Variants in ALCAM observed in about 807,000 individuals in gnomAD.
ALCAM encodes the protein CD166 antigen.
Under a neutral mutation model 70.9 loss-of-function variants are expected in ALCAM, and 30 were observed. That is an observed-to-expected ratio of 0.42 (90% CI 0.32 to 0.57). The LOEUF is 0.57. Among genes scored for constraint, ALCAM ranks in the 20% least tolerant of loss-of-function variants. ALCAM has a pLI of 0.11. For synonymous variants in ALCAM, 249 were observed against 242.5 expected, an observed-to-expected ratio of 1.03 and a Z score of -0.25; for missense variants, 591 against 695.1, an observed-to-expected ratio of 0.85 and a Z score of 1.68.
chr3:105,504,309 A>G (rs1328653271), intron 1 of ALCAM, among the ~76,000 whole-genome samples: 7 of 152,200 alleles, frequency 4.6e-5, no homozygotes, highest in Non-Finnish European at 7.3e-5. Flanking sequence ...TGTGTTAACC[A>G]GCTTAATTAG....
chr3:105,381,272 C>T (rs1033655348), intron 1 of ALCAM, among the ~76,000 whole-genome samples: 3 of 151,886 alleles, frequency 2.0e-5, no homozygotes, highest in African/African-American at 7.3e-5. Flanking sequence ...ATTATACACC[C>T]AACTGATTCA....
chr3:105,465,031 A>G lies in ALCAM; in HGVS notation c.74-55036A>G, dbSNP rs201734223. Among the ~76,000 whole-genome samples, 5 of 151,550 alleles carry G rather than the reference A, an allele frequency of 3.3e-5. No homozygotes were observed. The East Asian group carries it at 9.7e-4, about 29-fold the overall frequency. ...CTGAATTTCATATAAATGAAATAAT[A>G]TGGTATATACTTAGATATTGTGATA... On this transcript the variant is annotated intron_variant, in intron 1 of 15. Transcript: ENST00000306107.
At chr3:105,368,474 G>T (rs1020916410) in intron 1 of ALCAM, among the ~76,000 whole-genome samples, 2 of 151,696 alleles carry the variant, frequency 1.3e-5, no homozygotes, top group Non-Finnish European at 2.9e-5. Context: ...TTTTTTCTTT[G>T]AAGTTTTTTT....
chr3:105,568,218 A>G (rs1341303774), intron 14 of ALCAM, among the ~76,000 whole-genome samples: 2 of 151,936 alleles, frequency 1.3e-5, no homozygotes, highest in African/African-American at 2.4e-5. Context: ...ACACGCTACC[A>G]TGCCCAGCTA....
At chr3:105,433,593 A>G (rs1487880540) in intron 1 of ALCAM, among the ~76,000 whole-genome samples, 1 of 151,888 alleles carries the variant, frequency 6.6e-6, no homozygotes, top group Non-Finnish European at 1.5e-5. Flanking sequence ...TCTACCAATT[A>G]AAGTCTGTCC....
chr3:105,467,418 G>A (rs1015919942), intron 1 of ALCAM, among the ~76,000 whole-genome samples: 5 of 151,124 alleles, frequency 3.3e-5, no homozygotes, highest in African/African-American at 9.7e-5. Flanking sequence ...TGCGTGGATT[G>A]CTGGTATTGA....
intron 14 of ALCAM, among the ~76,000 whole-genome samples, chr3:105,561,924 G>A (rs903051876): frequency 1.3e-5 from 2 of 152,164 alleles, no homozygotes; most frequent in East Asian, 3.9e-4. Context: ...CAACCTGAAA[G>A]GCTCACCCAA....
chr3:105,558,239 TC>T (rs1940560058), intron 14 of ALCAM, among the ~76,000 whole-genome samples: 1 of 152,008 alleles, frequency 6.6e-6, no homozygotes, highest in Non-Finnish European at 1.5e-5. Flanking sequence ...CGGAAAACAC[TC>T]CTCTAACTAG....
intron 3 of ALCAM, among the ~76,000 whole-genome samples, 182 bp from the exon 4 acceptor site, chr3:105,531,820 A>T (rs1428985708): frequency 6.6e-6 from 1 of 152,196 alleles, no homozygotes; most frequent in Non-Finnish European, 1.5e-5. Flanking sequence ...ATTTAAGATA[A>T]TAAATATTTG....
intron 14 of ALCAM, among the ~76,000 whole-genome samples, chr3:105,563,663 A>ATTTTTTTTTTT (rs1940677356): frequency 5.5e-5 from 4 of 72,526 alleles, no homozygotes; most frequent in South Asian, 4.0e-4. Flanking sequence ...AATTCCAAGC[A>ATTTTTTTTTTT]TTTCTTTTTT....
chr3:105,502,467 G>T (rs771255231), intron 1 of ALCAM, among the ~76,000 whole-genome samples: 1 of 152,152 alleles, frequency 6.6e-6, no homozygotes, highest in Non-Finnish European at 1.5e-5. Flanking sequence ...CCAGAGCCGG[G>T]GCATTTGAGG....
chr3:105,558,170 T>C (rs1170256014), intron 14 of ALCAM, among the ~76,000 whole-genome samples: 1 of 152,078 alleles, frequency 6.6e-6, no homozygotes, highest in Non-Finnish European at 1.5e-5. Context: ...ACTGCCAAGA[T>C]GCCAGTCCTA....
intron 1 of ALCAM, among the ~76,000 whole-genome samples, chr3:105,417,111 T>G (rs1936525234): frequency 6.6e-6 from 1 of 151,810 alleles, no homozygotes; most frequent in Admixed American, 6.6e-5. Flanking sequence ...CTTTCCTTAT[T>G]TTCAAAAATG....
chr3:105,381,771 C>G (rs1425575459), intron 1 of ALCAM, among the ~76,000 whole-genome samples: 1 of 151,644 alleles, frequency 6.6e-6, no homozygotes, highest in Non-Finnish European at 1.5e-5. Flanking sequence ...GCCCAGTGAT[C>G]ATATTTTAAG....
intron 1 of ALCAM, among the ~76,000 whole-genome samples, chr3:105,372,018 C>T (rs1030993960): frequency 6.6e-6 from 1 of 152,006 alleles, no homozygotes; most frequent in Non-Finnish European, 1.5e-5. Flanking sequence ...AGAATGGTTT[C>T]TTGGGTGTGG....
chr3:105,456,155 A>G (rs1250763932), intron 1 of ALCAM, among the ~76,000 whole-genome samples: 1 of 152,138 alleles, frequency 6.6e-6, no homozygotes, highest in Non-Finnish European at 1.5e-5. Context: ...CTGAACTGCT[A>G]CTCTCAGCAC....
At position 105,541,724 on chromosome 3, in the gene ALCAM, A is replaced by T; in HGVS notation, c.950A>T (p.Asp317Val). 2 of 1,612,340 alleles carry T rather than the reference A, an allele frequency of 1.2e-6. No homozygotes were observed. The highest frequency in any genetic ancestry group is 1.7e-6 in the Non-Finnish European group (2 of 1,178,830). The change falls in exon 8 of 16, where the codon GAC becomes GTC. Residue 317 changes from aspartate to valine, a missense_variant. Asp to Val is a radical substitution (Grantham distance 152, BLOSUM62 -3). Transcript: ENST00000306107. ...ATGDYKCSLI[D>V]KKSMIASTAI... Reference sequence around the variant, plus strand: ...GGAGACTACAAGTGTTCCCTGATAGACAAAAAAAGCATGATTGCTTCAACA... The same window carrying T: ...GGAGACTACAAGTGTTCCCTGATAGTCAAAAAAAGCATGATTGCTTCAACA...
At chr3:105,463,769 T>C (rs1387385105) in intron 1 of ALCAM, among the ~76,000 whole-genome samples, 2 of 151,396 alleles carry the variant, frequency 1.3e-5, no homozygotes, top group East Asian at 3.9e-4. Context: ...AGGCTGTGGA[T>C]TCAGAGACAT....
intron 1 of ALCAM, among the ~76,000 whole-genome samples, chr3:105,488,144 A>G (rs958464326): frequency 1.1e-4 from 17 of 152,156 alleles, no homozygotes; most frequent in Non-Finnish European, 2.2e-4. Flanking sequence ...CTGTCTCACC[A>G]TGTGATCTCT....
Sources: allele counts gnomAD v4.1 joint callset (sites outside exome capture counted in the v4.1 genomes callset), GRCh38; gene constraint gnomAD v4.1.1; transcripts MANE v1.5; gene names NCBI Gene and HGNC (gene_info 2026-07-23, HGNC 2026-07-21).